SYT14: variants seen among roughly 807,000 people sequenced by gnomAD.
SYT14 encodes synaptotagmin-14.
SYT14 carries 32 observed loss-of-function variants against 74.2 expected under a neutral mutation model. The observed-to-expected ratio is 0.43, with a 90% confidence interval of 0.33 to 0.58. The LOEUF is 0.58. SYT14 is among the 20% of genes least tolerant of loss of function. The pLI, the probability that SYT14 is intolerant of heterozygous loss-of-function variation, is 0.05. For synonymous variants in SYT14, 298 were observed against 337.7 expected, an observed-to-expected ratio of 0.88 and a Z score of 1.29; for missense variants, 791 against 981.8, an observed-to-expected ratio of 0.81 and a Z score of 2.60.
At chr1:210,133,561 A>G (rs1277234832) in intron 7 of SYT14, among the ~76,000 whole-genome samples, 1 of 152,202 alleles carries the variant, frequency 6.6e-6, no homozygotes, top group Non-Finnish European at 1.5e-5. Flanking sequence ...GGTGAATCTG[A>G]TAGTGGTGTC....
At chr1:209,999,734 A>G (rs2079860084) in intron 2 of SYT14, among the ~76,000 whole-genome samples, 1 of 152,280 alleles carries the variant, frequency 6.6e-6, no homozygotes, top group East Asian at 1.9e-4. Context: ...AGAATAGTAA[A>G]TATCAGAGGC....
chr1:209,976,987 G>T (rs530158720), intron 2 of SYT14, among the ~76,000 whole-genome samples: 1 of 152,140 alleles, frequency 6.6e-6, no homozygotes, highest in Non-Finnish European at 1.5e-5. Flanking sequence ...TTTGATCTTT[G>T]TTGGTTTAAA....
At chr1:210,055,530 T>C (rs753821271) in intron 5 of SYT14, among the ~76,000 whole-genome samples, 5 of 152,040 alleles carry the variant, frequency 3.3e-5, no homozygotes, top group African/African-American at 4.8e-5. Flanking sequence ...AAAAATAGAA[T>C]TGTTGGCCAG....
chr1:209,962,379 CT>C (rs972765149), intron 2 of SYT14, among the ~76,000 whole-genome samples: 6 of 150,288 alleles, frequency 4.0e-5, no homozygotes, highest in Admixed American at 6.6e-5. Context: ...ACATTGTAAG[CT>C]TTTTTTTTCT....
At chr1:210,111,423 A>G (rs1375977294) in intron 7 of SYT14, among the ~76,000 whole-genome samples, 4 of 151,402 alleles carry the variant, frequency 2.6e-5, no homozygotes, top group Non-Finnish European at 5.9e-5. Context: ...CTGGATGTAT[A>G]CATGCAGGCT....
chr1:210,073,662 A>G (rs1038020302), intron 5 of SYT14, among the ~76,000 whole-genome samples: 2 of 152,052 alleles, frequency 1.3e-5, no homozygotes, highest in African/African-American at 2.4e-5. Context: ...TATGTTTTAC[A>G]GGCCAGAATG....
intron 5 of SYT14, among the ~76,000 whole-genome samples, chr1:210,085,512 T>C (rs779266426): frequency 3.3e-5 from 5 of 152,232 alleles, no homozygotes; most frequent in Non-Finnish European, 5.9e-5. Flanking sequence ...AGGACTTTCA[T>C]GGATACCTTT....
intron 7 of SYT14, among the ~76,000 whole-genome samples, chr1:210,119,226 G>A (rs1315876214): frequency 6.6e-6 from 1 of 152,140 alleles, no homozygotes; most frequent in African/African-American, 2.4e-5. Context: ...TTATTTTGAG[G>A]TGGACAGGAT....
chr1:210,097,256 G>A (rs577224161), intron 6 of SYT14, among the ~76,000 whole-genome samples: 1 of 152,326 alleles, frequency 6.6e-6, no homozygotes, highest in South Asian at 2.1e-4. Context: ...AATCCAGGCT[G>A]TAGCTATCTT....
intron 5 of SYT14, among the ~76,000 whole-genome samples, chr1:210,032,519 G>T (rs2080561898): frequency 6.6e-6 from 1 of 151,926 alleles, no homozygotes; most frequent in African/African-American, 2.4e-5. Context: ...GAAGTAAAAA[G>T]GGGGAGCAGA....
At chr1:210,053,111 T>C (rs1299871534) in intron 5 of SYT14, among the ~76,000 whole-genome samples, 1 of 152,200 alleles carries the variant, frequency 6.6e-6, no homozygotes, top group Non-Finnish European at 1.5e-5. Flanking sequence ...ACAATATCAA[T>C]ATAGATCAAC....
At chr1:209,946,436 A>G (rs749287884) in intron 1 of SYT14, among the ~76,000 whole-genome samples, 7 of 152,244 alleles carry the variant, frequency 4.6e-5, no homozygotes, top group Non-Finnish European at 1.0e-4. Flanking sequence ...TAACAGCCTT[A>G]TTGCTGATAT....
intron 1 of SYT14, among the ~76,000 whole-genome samples, chr1:209,950,188 A>G (rs1429840878): frequency 6.6e-6 from 1 of 152,180 alleles, no homozygotes; most frequent in Non-Finnish European, 1.5e-5. Flanking sequence ...TACGTGATTT[A>G]ACTGTGTAAC....
chr1:210,077,466 C>T (rs1049941408), intron 5 of SYT14, among the ~76,000 whole-genome samples: 1 of 152,150 alleles, frequency 6.6e-6, no homozygotes, highest in Non-Finnish European at 1.5e-5. Flanking sequence ...ATAGATGTAC[C>T]ACATTTTGTT....
chr1:209,973,432 G>A (rs2079295490), intron 2 of SYT14, among the ~76,000 whole-genome samples: 1 of 151,912 alleles, frequency 6.6e-6, no homozygotes, highest in Non-Finnish European at 1.5e-5. Flanking sequence ...TTATTGTTCA[G>A]TTCCCACCTA....
At chr1:210,043,422 CTT>C (rs1453297701) in intron 5 of SYT14, among the ~76,000 whole-genome samples, 1 of 121,596 alleles carries the variant, frequency 8.2e-6, no homozygotes, top group Non-Finnish European at 1.6e-5. Context: ...GTTTTGGAAT[CTT>C]TGTTTTACTG....
At chr1:210,107,571 T>C (rs1398517376) in intron 7 of SYT14, among the ~76,000 whole-genome samples, 5 of 152,144 alleles carry the variant, frequency 3.3e-5, no homozygotes, top group African/African-American at 9.7e-5. Context: ...AATGTAAGAA[T>C]GCTAATATGC....
At chr1:210,113,827 C>T (rs1403645778) in intron 7 of SYT14, among the ~76,000 whole-genome samples, 2 of 151,152 alleles carry the variant, frequency 1.3e-5, no homozygotes, top group East Asian at 3.9e-4. Flanking sequence ...TAAAAAGGAG[C>T]GCATAAAAGA....
chr1:209,965,565 G>C (rs189244865), intron 2 of SYT14, among the ~76,000 whole-genome samples: 1 of 152,248 alleles, frequency 6.6e-6, no homozygotes, highest in East Asian at 1.9e-4. Context: ...TTTCCTTTGG[G>C]CATATACCCG....
Sources: allele counts gnomAD v4.1 joint callset (sites outside exome capture counted in the v4.1 genomes callset), GRCh38; gene constraint gnomAD v4.1.1; transcripts MANE v1.5; gene names NCBI Gene and HGNC (gene_info 2026-07-23, HGNC 2026-07-21).